Variants in COASY observed in about 807,000 individuals in gnomAD.
COASY encodes bifunctional coenzyme A synthase.
A neutral mutation model predicts 49.4 loss-of-function variants in COASY; 31 were observed. The ratio of observed to expected loss-of-function variants is 0.63; its 90% CI spans 0.47 to 0.85. The LOEUF (loss-of-function observed/expected upper bound fraction) is 0.85. Ranked by LOEUF, COASY falls within the 40% of genes least tolerant of loss-of-function variation. The pLI is 0.00. For missense variants in COASY, 730 were observed against 734.1 expected (o/e 0.99, Z 0.06); for synonymous variants, 285 against 310.9 (o/e 0.92, Z 0.88).
Position 42,564,356 on chromosome 17 carries a change from A to G in COASY, c.916-90A>G, listed in dbSNP as rs752819851. On this transcript the variant is annotated intron_variant, in intron 2 of 8. Coordinates refer to ENST00000393818, the MANE Select transcript of COASY (RefSeq NM_025233.7). ...GAGTCGGAGGAGGAGGAGCCTGGGTAGGAAGGGGAGGATGGGGGGGCAGGT... is the reference window on the plus strand; with the variant it reads ...GAGTCGGAGGAGGAGGAGCCTGGGTGGGAAGGGGAGGATGGGGGGGCAGGT... The G allele has an allele frequency of 3.2e-6, 5 of 1,577,212 alleles. No homozygotes were observed. The East Asian group carries it at 6.7e-5, about 21-fold the overall frequency.
chr17:42,564,346 G>A, intron 2 of COASY, 100 bp from the exon 3 acceptor site: 1 of 1,566,182 alleles, frequency 6.4e-7, no homozygotes, highest in Middle Eastern at 1.7e-4. Flanking sequence ...GGAGGAGGAG[G>A]AGCCTGGGTA....
At chr17:42,565,193 GA>G in intron 5 of COASY, 33 bp from the exon 6 acceptor site, 1 of 1,611,252 alleles carries the variant, frequency 6.2e-7, no homozygotes, top group Non-Finnish European at 8.5e-7. Context: ...CTCTTCTAGA[GA>G]AGGTAACCTC....
In COASY at chr17:42,562,715, G is replaced by A. The variant is rs547215924; in HGVS notation, c.93G>A (p.Arg31=). The A allele has an allele frequency of 4.3e-5, 68 of 1,573,398 alleles. 2 individuals are homozygous for A. The South Asian group carries it at 7.6e-4, about 18-fold the overall frequency. ...CCTCCATCCTGACCTCGGCGGCCCG[G>A]CTGGTGAATCACACACTCTATGTTC... The part of the protein sequence containing the change: ...RLASILTSAA[R]LVNHTLYVHL... The change falls in exon 1 of 9, where the codon CGG becomes CGA. Residue 31 remains arginine, a synonymous_variant. Transcript: ENST00000393818.
rs770716821 is a variant in COASY at position 42,562,636 on chromosome 17, G to T, written c.14G>T (p.Arg5Leu). 6.6e-7 allele frequency: 1 copy of T among 1,522,106 alleles called. No individual in the cohort carries two copies. Among genetic ancestry groups the T allele is most frequent in the Admixed American group, 2.1e-5 (1 of 47,290 alleles). 94.3% of individuals were successfully genotyped at this position (1,522,106 alleles called of 1,614,324 possible). The change falls in exon 1 of 9, where the codon CGG becomes CTG. Residue 5 changes from arginine (R) to leucine (L), a missense_variant. By Grantham distance (102) the Arg-to-Leu change is moderately radical. Transcript: ENST00000393818. Reference sequence around the variant, plus strand: ...GGCCTGGGCAGCATGGCCGTATTCCGGTCGGGTCTCCTGGTGCTGACGACG... The same window carrying T: ...GGCCTGGGCAGCATGGCCGTATTCCTGTCGGGTCTCCTGGTGCTGACGACG... MAVF[R>L]SGLLVLTTPL...
In COASY at chr17:42,564,915, G is replaced by A. The variant is rs749028245; in HGVS notation, c.1237+17G>A. The A allele has an allele frequency of 1.2e-6, 2 of 1,613,900 alleles. No individual in the cohort carries two copies. The highest frequency in any genetic ancestry group is 1.1e-5 in the South Asian group (1 of 91,072). ...TTGGAACAGGTAATAACTGGGGAAG[G>A]CTGAAAGTGGCCTGGAGTGAGGAGC... On this transcript the variant is annotated intron_variant, in intron 4 of 8. Coordinates refer to ENST00000393818, the MANE Select transcript of COASY (RefSeq NM_025233.7).
Position 42,562,558 on chromosome 17 carries a change from C to T in COASY, c.-65C>T, listed in dbSNP as rs2092980534. 2 of 1,581,318 alleles carry T rather than the reference C, an allele frequency of 1.3e-6. No homozygotes were observed. The highest frequency in any genetic ancestry group is 1.7e-6 in the Non-Finnish European group (2 of 1,165,728). ...GTCCAAGGTCCCATACAGGCCTCTG[C>T]CTCGGCCGCAGGCCCTTCAGTCACC... On this transcript the variant is annotated 5_prime_UTR_variant, in exon 1 of 9. Transcript: ENST00000393818.
chr17:42,563,296 GAGT>G lies in COASY; in HGVS notation c.677_679del (p.Val226del), dbSNP rs1567904129. On this transcript the variant is annotated inframe_deletion, in exon 1 of 9. Transcript: ENST00000393818. ...CTGGCCCAGGAGCAGCTTGTGGTGG[GAGT>G]AGCAGACAAAGATCTGTTGAAGAGT... 4 of 1,599,284 alleles carry G rather than the reference GAGT, an allele frequency of 2.5e-6. No individual in the cohort carries two copies. The East Asian group carries it at 8.9e-5, about 36-fold the overall frequency.
chr17:42,565,357 G>GT lies in COASY; in HGVS notation c.1387+49dup, dbSNP rs770395324. 3.1e-6 allele frequency: 5 copies of GT among 1,609,922 alleles called. No homozygotes were observed. The South Asian group carries it at 5.5e-5, about 18-fold the overall frequency. On this transcript the variant is annotated intron_variant, in intron 6 of 8. Coordinates refer to ENST00000393818, the MANE Select transcript of COASY (RefSeq NM_025233.7). ...CAACAGCTAAGGGGACAGTTAAGCT[G>GT]TTTCTTCCCCTGGGAGCTTCCCTGC...
Position 42,562,381 on chromosome 17 carries a change from A to C in COASY, c.-242A>C. ...TTTCCCCCTCCCAGGATTTCGACTC[A>C]GTTCAGCGAAGTCACCGCCCCGTCT... On this transcript the variant is annotated 5_prime_UTR_variant, in exon 1 of 9. Coordinates refer to ENST00000393818, the MANE Select transcript of COASY (RefSeq NM_025233.7). 1 of 1,607,964 alleles carries C rather than the reference A, an allele frequency of 6.2e-7. No individual in the cohort carries two copies. The highest frequency in any genetic ancestry group is 8.5e-7 in the Non-Finnish European group (1 of 1,175,004).
chr17:42,564,395 C>T (rs781599851), intron 2 of COASY, 51 bp from the exon 3 acceptor site: 4 of 1,574,872 alleles, frequency 2.5e-6, no homozygotes, highest in Non-Finnish European at 2.6e-6. Flanking sequence ...ATGTCAGGGT[C>T]TTCCTCTCAC....
chr17:42,562,185 G>A lies in COASY; in HGVS notation c.-438G>A. The A allele has an allele frequency of 2.1e-6, 1 of 466,974 alleles. No homozygotes were observed. The highest frequency in any genetic ancestry group is 3.6e-5 in the South Asian group (1 of 27,446). 28.9% of individuals were successfully genotyped at this position (466,974 alleles called of 1,614,324 possible). ...GGGTTGCAGCCAGGGAAGCCTCCGCGGTGGTGCAAGTGGAACCCAAGCCTT... is the reference window on the plus strand; with the variant it reads ...GGGTTGCAGCCAGGGAAGCCTCCGCAGTGGTGCAAGTGGAACCCAAGCCTT... On this transcript the variant is annotated 5_prime_UTR_variant, in exon 1 of 9. Transcript: ENST00000393818.
At chr17:42,565,133 T>G in intron 5 of COASY, 86 bp downstream of exon 5, 1 of 1,587,596 alleles carries the variant, frequency 6.3e-7, no homozygotes, top group Non-Finnish European at 8.7e-7. Flanking sequence ...TGGCCCAGAA[T>G]GCCATTTCCA....
At chr17:42,565,621 C>G in intron 7 of COASY, 38 bp from the exon 8 acceptor site, 1 of 1,614,008 alleles carries the variant, frequency 6.2e-7, no homozygotes, top group Non-Finnish European at 8.5e-7. Context: ...ATCCTGTGAG[C>G]TGGAATTCTT....
chr17:42,562,691 C>T lies in COASY; in HGVS notation c.69C>T (p.Ala23=), dbSNP rs1230799691. 2 of 1,557,010 alleles carry T rather than the reference C, an allele frequency of 1.3e-6. No individual in the cohort carries two copies. Among genetic ancestry groups the T allele is most frequent in the South Asian group, 1.2e-5 (1 of 84,828 alleles). Residue 23 remains alanine (A), a synonymous_variant, in exon 1 of 9, where the codon GCC becomes GCT. Transcript: ENST00000393818. ...TPLASLAPRL[A]SILTSAARLV... ...TGGCCTCCCTAGCCCCTCGCCTGGC[C>T]TCCATCCTGACCTCGGCGGCCCGGC...
chr17:42,562,357 T>C lies in COASY; in HGVS notation c.-266T>C, dbSNP rs953593832. ...CCTGTGACAAGGGTTCCTGTCCAGT[T>C]TCCCCCTCCCAGGATTTCGACTCAG... On this transcript the variant is annotated 5_prime_UTR_variant, in exon 1 of 9. Transcript: ENST00000393818. 2 of 1,533,340 alleles carry C rather than the reference T, an allele frequency of 1.3e-6. No homozygotes were observed. Among genetic ancestry groups the C allele is most frequent in the African/African-American group, 2.7e-5 (2 of 73,328 alleles). The allele number at this position is 1,533,340 out of a possible 1,614,324, so 95.0% of individuals were successfully genotyped here.
chr17:42,565,837 G>A, intron 8 of COASY, 32 bp downstream of exon 8: 2 of 1,613,952 alleles, frequency 1.2e-6, no homozygotes, highest in Non-Finnish European at 1.7e-6. Context: ...GGGTTGTGGG[G>A]AAGGAGTCTC....
chr17:42,563,688 A>G (rs1456603834), intron 1 of COASY: 2 of 524,266 alleles, frequency 3.8e-6, no homozygotes, highest in South Asian at 2.7e-5. Context: ...GGAATTTTCC[A>G]TCTGCCTCTG....
chr17:42,564,520 A>C lies in COASY; in HGVS notation c.990A>C (p.Lys330Asn), dbSNP rs1414613584. 6.2e-7 allele frequency: 1 copy of C among 1,613,380 alleles called. No homozygotes were observed. The highest frequency in any genetic ancestry group is 1.1e-5 in the South Asian group (1 of 90,978). The stretch of plus-strand genomic sequence containing the variant: ...GACATACAGAGAATGAAGAGGACAA[A>C]GTCAGCTCCTCCAGCTTCCGCCAGC... ...DLRHTENEED[K>N]VSSSSFRQRM... The change falls in exon 3 of 9, where the codon AAA becomes AAC. Residue 330 changes from lysine to asparagine, a missense_variant. Transcript: ENST00000393818.
rs1567903743 is a variant in COASY, at chr17:42,563,035, C to CCAGCTGTTA, written c.422_430dup (p.Tyr141_Cys143dup). 1 of 1,614,188 alleles carries CCAGCTGTTA rather than the reference C, an allele frequency of 6.2e-7. No individual in the cohort carries two copies. Among genetic ancestry groups the CCAGCTGTTA allele is most frequent in the Admixed American group, 1.7e-5 (1 of 60,020 alleles). ...AAACAGCAGCTAGTGCGTTACGCCACCAGCTGTTACAGCTGTTGTCCGCGA... is the reference window on the plus strand; with the variant it reads ...AAACAGCAGCTAGTGCGTTACGCCACCAGCTGTTACAGCTGTTACAGCTGTTGTCCGCGA... On this transcript the variant is annotated inframe_insertion, in exon 1 of 9. Coordinates refer to ENST00000393818, the MANE Select transcript of COASY (RefSeq NM_025233.7).
Sources: allele counts gnomAD v4.1 joint callset, GRCh38; gene constraint gnomAD v4.1.1; transcripts MANE v1.5; gene names NCBI Gene and HGNC (gene_info 2026-07-23, HGNC 2026-07-21).